The following DGKB variants were observed in gnomAD, a reference collection of about 807,000 sequenced individuals.
The protein encoded by DGKB is 90 kDa diacylglycerol kinase.
In DGKB, 67 loss-of-function variants were observed where a neutral mutation model predicts 114.3. That is an observed-to-expected ratio of 0.59 (90% CI 0.48 to 0.72). DGKB has a LOEUF of 0.72. Among genes scored for constraint, DGKB ranks in the 30% least tolerant of loss-of-function variants. DGKB has a pLI of 0.00. For synonymous variants in DGKB, 398 were observed against 323.1 expected, an observed-to-expected ratio of 1.23 and a Z score of -2.49; for missense variants, 907 against 975.2, an observed-to-expected ratio of 0.93 and a Z score of 0.93.
intron 6 of DGKB, among the ~76,000 whole-genome samples, chr7:14,716,338 T>C (rs891680982): frequency 3.3e-5 from 5 of 152,172 alleles, no homozygotes; most frequent in African/African-American, 9.6e-5. Flanking sequence ...GACTCTGATG[T>C]GTGATAAAGT....
chr7:14,217,327 G>A (rs1475710966), intron 23 of DGKB, among the ~76,000 whole-genome samples: 3 of 151,874 alleles, frequency 2.0e-5, no homozygotes, highest in African/African-American at 7.3e-5. Flanking sequence ...TTTAATGTTT[G>A]GATTTTTGTT....
rs554173370 is a variant in DGKB at position 14,400,540 on chromosome 7, G to C, written c.1836-55149C>G. The stretch of plus-strand genomic sequence containing the variant: ...CTGGAAAGCCTGTTCAGAAAGATTT[G>C]TCATTCAGGATGGTAAAAATAATCC... On this transcript the variant is annotated intron_variant, in intron 21 of 25. Transcript: ENST00000402815. Among the ~76,000 whole-genome samples the C allele has an allele frequency of 5.7e-4, 86 of 151,756 alleles. 1 individual carries two copies. The highest frequency in any genetic ancestry group is 1.1e-3 in the Non-Finnish European group (77 of 67,834).
chr7:14,652,145 A>T (rs1814665919), intron 13 of DGKB, among the ~76,000 whole-genome samples: 1 of 138,338 alleles, frequency 7.2e-6, no homozygotes, highest in Admixed American at 7.6e-5. Flanking sequence ...ATTGGAAAAA[A>T]CTACTTTAAA....
At chr7:14,397,804 T>A (rs1822478802) in intron 21 of DGKB, among the ~76,000 whole-genome samples, 1 of 152,152 alleles carries the variant, frequency 6.6e-6, no homozygotes, top group Non-Finnish European at 1.5e-5. Context: ...GCATTTTTCA[T>A]TATGAATGCT....
At chr7:14,842,550 G>A (rs1371240890) in intron 1 of DGKB, among the ~76,000 whole-genome samples, 2 of 152,186 alleles carry the variant, frequency 1.3e-5, no homozygotes, top group Non-Finnish European at 2.9e-5. Context: ...AGCAACACAA[G>A]TGAAAGAGAA....
At chr7:14,328,354 T>C (rs1422157275) in intron 23 of DGKB, among the ~76,000 whole-genome samples, 1 of 152,066 alleles carries the variant, frequency 6.6e-6, no homozygotes, top group Non-Finnish European at 1.5e-5. Flanking sequence ...TCACAGAAAT[T>C]CAGTTTTACA....
chr7:14,959,044 T>C (rs1326838853), intron 1 of DGKB, among the ~76,000 whole-genome samples: 1 of 152,096 alleles, frequency 6.6e-6, no homozygotes, highest in African/African-American at 2.4e-5. Flanking sequence ...TGGTGTTTTA[T>C]ATGATATTTT....
chr7:14,628,375 G>A (rs1809040623), intron 14 of DGKB, among the ~76,000 whole-genome samples: 1 of 151,510 alleles, frequency 6.6e-6, no homozygotes, highest in South Asian at 2.1e-4. Context: ...AACTGTGCAA[G>A]CTTTGGGTAT....
intron 20 of DGKB, among the ~76,000 whole-genome samples, chr7:14,507,031 C>T (rs1787195915): frequency 6.6e-6 from 1 of 152,132 alleles, no homozygotes; most frequent in South Asian, 2.1e-4. Flanking sequence ...GGCAGAGGCA[C>T]TAGCTGCAAG....
intron 21 of DGKB, among the ~76,000 whole-genome samples, chr7:14,393,232 G>T (rs1008868423): frequency 6.6e-6 from 1 of 151,444 alleles, no homozygotes; most frequent in African/African-American, 2.4e-5. Context: ...CTCGTGATCC[G>T]CCCGCCTCGG....
chr7:14,712,069 G>A (rs1392641410), intron 6 of DGKB, among the ~76,000 whole-genome samples: 3 of 152,020 alleles, frequency 2.0e-5, no homozygotes, highest in African/African-American at 4.8e-5. Flanking sequence ...TTCAATCCAT[G>A]AAATACAAAT....
chr7:14,687,653 T>A (rs1333314767), intron 9 of DGKB, among the ~76,000 whole-genome samples: 1 of 152,184 alleles, frequency 6.6e-6, no homozygotes, highest in Non-Finnish European at 1.5e-5. Context: ...AATTAATATT[T>A]AAAAAATTAA....
At chr7:14,645,088 C>T (rs1812662963) in intron 13 of DGKB, among the ~76,000 whole-genome samples, 1 of 152,134 alleles carries the variant, frequency 6.6e-6, no homozygotes, top group African/African-American at 2.4e-5. Context: ...TGCCTTTTAA[C>T]TAATCAAATG....
At chr7:14,472,105 TA>T (rs1157933565) in intron 21 of DGKB, among the ~76,000 whole-genome samples, 6 of 152,216 alleles carry the variant, frequency 3.9e-5, no homozygotes, top group Non-Finnish European at 8.8e-5. Context: ...TGTTACACAT[TA>T]AGAATTTGAA....
chr7:14,222,955 A>C (rs931148722), intron 23 of DGKB, among the ~76,000 whole-genome samples: 6 of 151,542 alleles, frequency 4.0e-5, no homozygotes, highest in Admixed American at 4.0e-4. Context: ...AACCACTCCA[A>C]CTTTCTTGTG....
At chr7:14,576,383 T>A (rs1799120784) in intron 19 of DGKB, among the ~76,000 whole-genome samples, 1 of 151,812 alleles carries the variant, frequency 6.6e-6, no homozygotes, top group Non-Finnish European at 1.5e-5. Context: ...GTATAAGTAA[T>A]AGCTCCCCAA....
intron 21 of DGKB, among the ~76,000 whole-genome samples, chr7:14,364,033 G>A (rs984687626): frequency 5.9e-5 from 9 of 151,992 alleles, no homozygotes; most frequent in African/African-American, 1.9e-4. Flanking sequence ...GTACAGGTCA[G>A]CTCGGTACTG....
At chr7:14,699,508 T>A (rs1012763526) in intron 7 of DGKB, among the ~76,000 whole-genome samples, 2 of 152,194 alleles carry the variant, frequency 1.3e-5, no homozygotes, top group Non-Finnish European at 2.9e-5. Context: ...AGGTTAAACA[T>A]GTTATTATAC....
At chr7:14,634,811 G>C (rs934865428) in intron 13 of DGKB, among the ~76,000 whole-genome samples, 1 of 151,300 alleles carries the variant, frequency 6.6e-6, no homozygotes, top group African/African-American at 2.4e-5. Flanking sequence ...TTATATTTCA[G>C]TTTCATATAA....
Sources: gnomAD v4.1 joint callset for allele counts (sites outside exome capture counted in the v4.1 genomes callset) on GRCh38, gnomAD v4.1.1 for gene constraint, MANE v1.5 for transcripts, NCBI Gene and HGNC (gene_info 2026-07-23, HGNC 2026-07-21) for gene names.